The following CDH13 variants were observed in gnomAD, a reference collection of about 807,000 sequenced individuals.
The protein encoded by CDH13 is cadherin-13.
CDH13 carries 24 observed loss-of-function variants against 63.8 expected under a neutral mutation model. The ratio of observed to expected loss-of-function variants is 0.38; its 90% confidence interval spans 0.27 to 0.53. The LOEUF (loss-of-function observed/expected upper bound fraction) is 0.53. Ranked by LOEUF, CDH13 falls within the 20% of genes least tolerant of loss-of-function variation. The pLI, the probability that CDH13 is intolerant of heterozygous loss-of-function variation, is 0.85. For missense variants in CDH13, 1,049 were observed against 903.1 expected (o/e 1.16, Z -2.07); for synonymous variants, 503 against 355.3 (o/e 1.42, Z -4.67).
intron 4 of CDH13, among the ~76,000 whole-genome samples, chr16:83,216,412 A>ATT (rs1567513856): frequency 1.8e-4 from 15 of 83,190 alleles, no homozygotes; most frequent in African/African-American, 6.5e-4. Context: ...ATATATATAT[A>ATT]TATATATATA....
At chr16:83,144,642 G>T (rs908858076) in intron 4 of CDH13, among the ~76,000 whole-genome samples, 2 of 152,190 alleles carry the variant, frequency 1.3e-5, no homozygotes, top group African/African-American at 4.8e-5. Context: ...AGGCAAAAAG[G>T]CAAAAAGTTA....
chr16:83,074,105 G>T lies in CDH13; in HGVS notation c.366+41887G>T, dbSNP rs185731918. The stretch of plus-strand genomic sequence containing the variant: ...AACTTCTTCCTTCTGTCTACTGCCT[G>T]TTTGTACTTAACTAATTTCTCTTCA... On this transcript the variant is annotated intron_variant, in intron 3 of 13. Transcript: ENST00000567109. Among the ~76,000 whole-genome samples, 128 of 152,178 alleles carry T rather than the reference G, an allele frequency of 8.4e-4. 1 individual carries two copies. The highest frequency in any genetic ancestry group is 2.7e-3 in the African/African-American group (114 of 41,542).
intron 13 of CDH13, among the ~76,000 whole-genome samples, chr16:83,783,715 C>T (rs1034892429): frequency 6.6e-6 from 1 of 152,166 alleles, no homozygotes. Context: ...TCATTGCTAG[C>T]CTGCAAACTA....
At chr16:83,073,811 ACAG>A (rs1375929603) in intron 3 of CDH13, among the ~76,000 whole-genome samples, 1 of 152,094 alleles carries the variant, frequency 6.6e-6, no homozygotes. Flanking sequence ...AATATACAGT[ACAG>A]CATAGCAATT....
At chr16:82,697,230 C>T (rs564026914) in intron 1 of CDH13, among the ~76,000 whole-genome samples, 4 of 152,174 alleles carry the variant, frequency 2.6e-5, no homozygotes, top group African/African-American at 9.6e-5. Context: ...ACTATGTCAT[C>T]AAAGAAGGCG....
At chr16:83,084,377 T>C (rs938036561) in intron 3 of CDH13, among the ~76,000 whole-genome samples, 1 of 152,168 alleles carries the variant, frequency 6.6e-6, no homozygotes, top group African/African-American at 2.4e-5. Flanking sequence ...GTATTCATCT[T>C]CTCTTTGTGG....
At chr16:83,703,537 A>C (rs956075934) in intron 10 of CDH13, among the ~76,000 whole-genome samples, 4 of 152,242 alleles carry the variant, frequency 2.6e-5, no homozygotes, top group African/African-American at 9.6e-5. Flanking sequence ...AAACGGTACG[A>C]TTCCAATTAT....
At chr16:82,731,984 C>G (rs1305484801) in intron 1 of CDH13, among the ~76,000 whole-genome samples, 3 of 152,142 alleles carry the variant, frequency 2.0e-5, no homozygotes, top group Non-Finnish European at 4.4e-5. Flanking sequence ...CCTTTGCCTA[C>G]CTAACTCCTC....
At chr16:83,346,910 T>C (rs2090851691) in intron 6 of CDH13, among the ~76,000 whole-genome samples, 2 of 152,342 alleles carry the variant, frequency 1.3e-5, no homozygotes, top group South Asian at 4.2e-4. Flanking sequence ...TATCTATTTA[T>C]GATTGGTATT....
intron 7 of CDH13, among the ~76,000 whole-genome samples, chr16:83,536,317 G>C (rs1480870047): frequency 6.6e-6 from 1 of 152,198 alleles, no homozygotes; most frequent in African/African-American, 2.4e-5. Flanking sequence ...AGACCATGTT[G>C]CAAGAGAGTC....
rs763831297 is a variant in CDH13, at chr16:83,795,994, A to G, written c.*964A>G. On this transcript the variant is annotated 3_prime_UTR_variant, in exon 14 of 14. Coordinates refer to ENST00000567109, the MANE Select transcript of CDH13 (RefSeq NM_001257.5). ...TGTATACACATATATACCCACATGTACAGACATACATTTATGCACATTCAC... is the reference window on the plus strand; with the variant it reads ...TGTATACACATATATACCCACATGTGCAGACATACATTTATGCACATTCAC... 2 of 152,660 alleles carry G rather than the reference A, an allele frequency of 1.3e-5. No homozygotes were observed. Among genetic ancestry groups the G allele is most frequent in the African/African-American group, 2.4e-5 (1 of 41,452 alleles). The allele number at this position is 152,660 out of a possible 1,614,324, so 9.5% of individuals were successfully genotyped here. A position where few individuals can be genotyped will look rare whatever the true frequency, so the allele number is the denominator to read the frequency against.
intron 8 of CDH13, among the ~76,000 whole-genome samples, chr16:83,669,358 G>C (rs943515997): frequency 2.6e-5 from 4 of 152,200 alleles, no homozygotes; most frequent in African/African-American, 7.2e-5. Flanking sequence ...CTAATGTGCA[G>C]ACAGGGCTGA....
intron 2 of CDH13, among the ~76,000 whole-genome samples, chr16:82,861,513 T>C (rs1460484656): frequency 6.6e-6 from 1 of 152,226 alleles, no homozygotes; most frequent in African/African-American, 2.4e-5. Context: ...ATGTTTATTC[T>C]GTGGATGGCT....
chr16:83,598,351 T>A (rs1444899613), intron 7 of CDH13, among the ~76,000 whole-genome samples: 2 of 152,076 alleles, frequency 1.3e-5, no homozygotes, highest in Admixed American at 6.5e-5. Context: ...AACGACAGAG[T>A]GAGACCCTGT....
chr16:83,427,321 G>A, intron 6 of CDH13, among the ~76,000 whole-genome samples: 1 of 152,280 alleles, frequency 6.6e-6, no homozygotes, highest in South Asian at 2.1e-4. Context: ...AATAGAATCA[G>A]AAGTGTCCTT....
At chr16:83,031,792 G>A (rs539571387) in intron 2 of CDH13, among the ~76,000 whole-genome samples, 11 of 152,252 alleles carry the variant, frequency 7.2e-5, no homozygotes, top group African/African-American at 2.6e-4. Context: ...GCACCTGCCT[G>A]GAACATGCGA....
chr16:82,777,976 GTT>G (rs368608520), intron 1 of CDH13, among the ~76,000 whole-genome samples: 74 of 152,312 alleles, frequency 4.9e-4, no homozygotes, highest in African/African-American at 1.8e-3. Flanking sequence ...AGAAGCCACA[GTT>G]TTTGATAACA....
At chr16:82,895,442 T>C (rs1442525824) in intron 2 of CDH13, among the ~76,000 whole-genome samples, 1 of 152,162 alleles carries the variant, frequency 6.6e-6, no homozygotes, top group Non-Finnish European at 1.5e-5. Context: ...TTTTCTTCAC[T>C]CTTTAAGAGT....
At chr16:83,137,604 G>T (rs1462271380) in intron 4 of CDH13, among the ~76,000 whole-genome samples, 1 of 152,160 alleles carries the variant, frequency 6.6e-6, no homozygotes, top group African/African-American at 2.4e-5. Flanking sequence ...CCTGTTCAAA[G>T]AGAGCCACAA....
Sources: allele counts gnomAD v4.1 joint callset (sites outside exome capture counted in the v4.1 genomes callset), GRCh38; gene constraint gnomAD v4.1.1; transcripts MANE v1.5; gene names NCBI Gene and HGNC (gene_info 2026-07-23, HGNC 2026-07-21).